Variants in ATP2B2 observed in about 807,000 individuals in gnomAD.
ATP2B2 encodes the protein plasma membrane calcium-transporting ATPase 2.
A neutral mutation model predicts 120.0 loss-of-function variants in ATP2B2; 15 were observed. That is an observed-to-expected ratio of 0.12 (90% CI 0.08 to 0.19). The LOEUF is 0.19. Among genes scored for constraint, ATP2B2 ranks in the 10% least tolerant of loss-of-function variants. The pLI is 1.00. For synonymous variants in ATP2B2, 694 were observed against 700.3 expected, an observed-to-expected ratio of 0.99 and a Z score of 0.14; for missense variants, 1,045 against 1,719.8, an observed-to-expected ratio of 0.61 and a Z score of 6.94.
intron 2 of ATP2B2, among the ~76,000 whole-genome samples, chr3:10,565,810 C>T (rs184895197): frequency 1.3e-5 from 2 of 152,314 alleles, no homozygotes; most frequent in African/African-American, 4.8e-5. Context: ...AGAATGAACT[C>T]TGGAGTTAGA....
intron 1 of ATP2B2, among the ~76,000 whole-genome samples, chr3:10,479,219 T>C (rs2065313073): frequency 6.6e-6 from 1 of 152,046 alleles, no homozygotes; most frequent in African/African-American, 2.4e-5. Context: ...TCCTGCCCAC[T>C]TTGCTTTTGG....
intron 5 of ATP2B2, among the ~76,000 whole-genome samples, chr3:10,389,817 A>G (rs1575094560): frequency 6.6e-6 from 1 of 152,192 alleles, no homozygotes; most frequent in East Asian, 1.9e-4. Flanking sequence ...AAGCCCCCTG[A>G]AGCCATGGCC....
intron 2 of ATP2B2, among the ~76,000 whole-genome samples, chr3:10,426,093 C>G (rs1006112583): frequency 4.6e-5 from 7 of 152,152 alleles, no homozygotes; most frequent in Middle Eastern, 3.4e-3. Flanking sequence ...GCCTTAGGGC[C>G]TTTGCTGTGC....
intron 2 of ATP2B2, among the ~76,000 whole-genome samples, chr3:10,613,513 A>G (rs1289745283): frequency 6.6e-6 from 1 of 152,038 alleles, no homozygotes; most frequent in African/African-American, 2.4e-5. Flanking sequence ...CTGGGTGATT[A>G]GTGCCCTTGA....
At chr3:10,444,335 GGC>G (rs2063765111) in intron 2 of ATP2B2, among the ~76,000 whole-genome samples, 1 of 152,200 alleles carries the variant, frequency 6.6e-6, no homozygotes, top group South Asian at 2.1e-4. Context: ...ACTAGAATGT[GGC>G]AACAACACAC....
At chr3:10,387,492 A>G (rs2061714261) in intron 6 of ATP2B2, among the ~76,000 whole-genome samples, 1 of 152,194 alleles carries the variant, frequency 6.6e-6, no homozygotes, top group African/African-American at 2.4e-5. Flanking sequence ...AAGGAGACAA[A>G]AGACTGAAAA....
intron 2 of ATP2B2, among the ~76,000 whole-genome samples, chr3:10,549,960 C>T (rs1403727152): frequency 6.6e-6 from 1 of 152,242 alleles, no homozygotes; most frequent in Non-Finnish European, 1.5e-5. Flanking sequence ...GTTAAGTCAC[C>T]TGCTTAAGGC....
chr3:10,644,913 C>CA (rs1273069646), intron 1 of ATP2B2, among the ~76,000 whole-genome samples: 1 of 151,918 alleles, frequency 6.6e-6, no homozygotes, highest in Non-Finnish European at 1.5e-5. Context: ...TTCCTCTCAA[C>CA]AAAAAAGTAT....
At chr3:10,554,960 A>G (rs1302755269) in intron 2 of ATP2B2, among the ~76,000 whole-genome samples, 1 of 152,156 alleles carries the variant, frequency 6.6e-6, no homozygotes, top group African/African-American at 2.4e-5. Flanking sequence ...ATTCTCTGCC[A>G]GCTGGCCTGA....
intron 2 of ATP2B2, among the ~76,000 whole-genome samples, chr3:10,616,261 G>C (rs529241078): frequency 6.6e-6 from 1 of 152,178 alleles, no homozygotes; most frequent in African/African-American, 2.4e-5. Context: ...AAATGAAGTC[G>C]TTAGGGTGGG....
chr3:10,535,701 T>G (rs1404145403), intron 2 of ATP2B2, among the ~76,000 whole-genome samples: 3 of 152,162 alleles, frequency 2.0e-5, no homozygotes, highest in Non-Finnish European at 2.9e-5. Flanking sequence ...GTAACAAGAG[T>G]TCGCTCCTTT....
At position 10,449,786 on chromosome 3, in the gene ATP2B2, A is replaced by T. The variant is rs2063969480; in HGVS notation, c.-243T>A. ...AGGGGCCGGAGGGGCTCAGGGCTGT[A>T]GACCCAGGAGTCTCCATTCAGTGGG... On this transcript the variant is annotated 5_prime_UTR_variant, in exon 2 of 23. Coordinates refer to ENST00000360273, the MANE Select transcript of ATP2B2 (RefSeq NM_001001331.4). The T allele has an allele frequency of 7.0e-6, 4 of 569,920 alleles. No homozygotes were observed. The South Asian group carries it at 7.8e-5, about 11-fold the overall frequency. 35.3% of individuals were successfully genotyped at this position (569,920 alleles called of 1,614,324 possible). A position where few individuals can be genotyped will look rare whatever the true frequency, so the allele number is the denominator to read the frequency against.
chr3:10,439,822 C>T (rs2063597663), intron 2 of ATP2B2, among the ~76,000 whole-genome samples: 2 of 152,206 alleles, frequency 1.3e-5, no homozygotes, highest in Admixed American at 1.3e-4. Context: ...TCAAGACCAG[C>T]TTGGTTCACT....
At chr3:10,628,524 C>T (rs970607809) in intron 1 of ATP2B2, among the ~76,000 whole-genome samples, 2 of 152,258 alleles carry the variant, frequency 1.3e-5, no homozygotes, top group African/African-American at 4.8e-5. Context: ...AACAGCCCTA[C>T]ACCCGGAGGC....
At chr3:10,475,193 C>G (rs2065158285) in intron 1 of ATP2B2, among the ~76,000 whole-genome samples, 2 of 152,186 alleles carry the variant, frequency 1.3e-5, no homozygotes, top group African/African-American at 4.8e-5. Flanking sequence ...AATGAAGAGA[C>G]AAAAGCAAGA....
chr3:10,535,277 T>C (rs901097605), intron 2 of ATP2B2, among the ~76,000 whole-genome samples: 1 of 152,162 alleles, frequency 6.6e-6, no homozygotes, highest in South Asian at 2.1e-4. Flanking sequence ...AGAGATCCCA[T>C]GCACCTCCCT....
intron 1 of ATP2B2, among the ~76,000 whole-genome samples, chr3:10,682,869 G>A (rs968831526): frequency 6.6e-6 from 1 of 152,180 alleles, no homozygotes; most frequent in African/African-American, 2.4e-5. Context: ...ACATGGCAGG[G>A]GGCCACAGAA....
In ATP2B2 at chr3:10,519,367, C is replaced by A. The variant is rs181013171; in HGVS notation, c.-320+14672G>T. Among the ~76,000 whole-genome samples, 16 of 152,262 alleles carry A rather than the reference C, an allele frequency of 1.1e-4. No homozygotes were observed. In the East Asian group the frequency reaches 2.9e-3, roughly 28 times the overall value. On this transcript the variant is annotated intron_variant, in intron 3 of 21. Transcript: ENST00000646379. The stretch of plus-strand genomic sequence containing the variant: ...TAATGAAGGTGCAATGTGCAATGTC[C>A]GGGCCTTTCAAGGGGCTATTGAGGA...
chr3:10,521,625 C>T (rs1356246651), intron 3 of ATP2B2, among the ~76,000 whole-genome samples: 2 of 152,152 alleles, frequency 1.3e-5, no homozygotes, highest in Non-Finnish European at 2.9e-5. Flanking sequence ...ATTGTGGGAA[C>T]GGAGGTGAAA....
Sources: allele counts gnomAD v4.1 joint callset (sites outside exome capture counted in the v4.1 genomes callset), GRCh38; gene constraint gnomAD v4.1.1; transcripts MANE v1.5; gene names NCBI Gene and HGNC (gene_info 2026-07-23, HGNC 2026-07-21).